ZNF512: variants seen among roughly 807,000 people sequenced by gnomAD.
ZNF512 encodes the protein zinc finger protein 512.
In ZNF512, 25 loss-of-function variants were observed where a neutral mutation model predicts 77.5. The observed-to-expected ratio is 0.32, with a 90% CI of 0.23 to 0.45. The LOEUF is 0.45. Ranked by LOEUF, ZNF512 falls within the 20% of genes least tolerant of loss-of-function variation. The pLI is 1.00. For missense variants in ZNF512, 483 were observed against 692.6 expected (o/e 0.70, Z 3.40); for synonymous variants, 246 against 239.9 (o/e 1.03, Z -0.24).
chr2:27,610,365 A>G (rs940631526), intron 10 of ZNF512, among the ~76,000 whole-genome samples: 1 of 130,264 alleles, frequency 7.7e-6, no homozygotes, highest in African/African-American at 2.6e-5. Flanking sequence ...CTCCGTATCA[A>G]AAAAAAAAAA....
Position 27,603,269 on chromosome 2 carries a change from G to T in ZNF512, c.898G>T (p.Ala300Ser). The change falls in exon 9 of 14, where the codon GCT becomes TCT. Residue 300 changes from alanine (A) to serine (S), a missense_variant. This residue lies in a region of ZNF512 where 324 missense variants were observed against 525.0 expected (regional missense o/e 0.62). Transcript: ENST00000355467. ...CTGTGGAAAACCATATAGGTCGAAG[G>T]CTGGACTTGCATATCACCTGAGGTC... ...HHCGKPYRSK[A>S]GLAYHLRSEH... 1 of 1,613,974 alleles carries T rather than the reference G, an allele frequency of 6.2e-7. No homozygotes were observed. The highest frequency in any genetic ancestry group is 1.1e-5 in the South Asian group (1 of 91,068).
intron 2 of ZNF512, among the ~76,000 whole-genome samples, chr2:27,592,732 T>G (rs1281996844): frequency 1.4e-5 from 2 of 138,696 alleles, no homozygotes; most frequent in African/African-American, 5.4e-5. Context: ...TTGCCCAGGC[T>G]GGAGTGCAAA....
intron 10 of ZNF512, among the ~76,000 whole-genome samples, chr2:27,610,544 G>GTGTATA (rs1413007886): frequency 0.021 from 671 of 32,636 alleles, 48 homozygotes; most frequent in African/African-American, 0.048. Context: ...ATATGTGTGT[G>GTGTATA]TATATATATA....
chr2:27,587,024 C>T (rs980731102), intron 2 of ZNF512, among the ~76,000 whole-genome samples: 9 of 152,086 alleles, frequency 5.9e-5, no homozygotes, highest in Non-Finnish European at 4.4e-5. Context: ...CTGCTGTGAA[C>T]GTTCATGTAC....
Position 27,590,635 on chromosome 2 carries a change from T to G in ZNF512, c.89+6919T>G, listed in dbSNP as rs370269626. 1.6e-4 allele frequency among the ~76,000 whole-genome samples: 24 copies of G among 152,294 alleles called. 1 individual carries two copies. In the East Asian group the frequency reaches 4.4e-3, roughly 28 times the overall value. ...TTGTTTTTTGTTCCTGTGTTTCTTC[T>G]TTTGGATTATTTGAATGCTTAGTGT... On this transcript the variant is annotated intron_variant, in intron 2 of 13. Coordinates refer to ENST00000355467, the MANE Select transcript of ZNF512 (RefSeq NM_032434.4).
At chr2:27,619,235 C>A (rs1478988415) in intron 13 of ZNF512, among the ~76,000 whole-genome samples, 2 of 152,116 alleles carry the variant, frequency 1.3e-5, no homozygotes, top group Non-Finnish European at 2.9e-5. Context: ...CATGGTGAAA[C>A]CCCATCTCTA....
intron 2 of ZNF512, among the ~76,000 whole-genome samples, chr2:27,586,381 C>T (rs757185076): frequency 2.0e-5 from 3 of 152,126 alleles, no homozygotes; most frequent in African/African-American, 4.8e-5. Context: ...AGGTGCACAC[C>T]GCTGTGCCCT....
chr2:27,614,675 C>G (rs1450080981), intron 10 of ZNF512, among the ~76,000 whole-genome samples: 1 of 127,750 alleles, frequency 7.8e-6, no homozygotes, highest in East Asian at 2.6e-4. Context: ...AAGACTCCAT[C>G]TCAAAAAAAA....
chr2:27,617,905 C>CAA (rs61523057), intron 13 of ZNF512, among the ~76,000 whole-genome samples: 4,402 of 113,612 alleles, frequency 0.039, 259 homozygotes, highest in African/African-American at 0.13. Context: ...GATCCTGACT[C>CAA]AAAAAAAAAA....
chr2:27,604,114 A>G (rs1193432792), intron 9 of ZNF512, among the ~76,000 whole-genome samples: 6 of 151,006 alleles, frequency 4.0e-5, no homozygotes, highest in African/African-American at 1.5e-4. Flanking sequence ...TTTATTAGAG[A>G]CGGGGTTTCA....
chr2:27,620,409 A>G (rs1192779895), intron 13 of ZNF512, among the ~76,000 whole-genome samples: 1 of 152,214 alleles, frequency 6.6e-6, no homozygotes. Context: ...TGTCACATAC[A>G]TGTACCCACA....
intron 13 of ZNF512, among the ~76,000 whole-genome samples, chr2:27,618,302 C>T (rs1393671827): frequency 6.6e-6 from 1 of 152,210 alleles, no homozygotes; most frequent in African/African-American, 2.4e-5. Flanking sequence ...ATTCTTATTT[C>T]ACAGTGATCT....
At chr2:27,619,322 G>C (rs1051454259) in intron 13 of ZNF512, among the ~76,000 whole-genome samples, 1 of 151,982 alleles carries the variant, frequency 6.6e-6, no homozygotes, top group Non-Finnish European at 1.5e-5. Flanking sequence ...AGATTTGCTT[G>C]AACCCAGGAG....
intron 11 of ZNF512, 32 bp from the exon 12 acceptor site, chr2:27,616,230 A>C (rs535229128): frequency 1.9e-4 from 299 of 1,574,062 alleles, no homozygotes; most frequent in Non-Finnish European, 2.2e-4. Flanking sequence ...GCTATTTGGC[A>C]TAGTCTTCAT....
chr2:27,595,303 C>CTT (rs1296299471), intron 2 of ZNF512, among the ~76,000 whole-genome samples: 32 of 134,080 alleles, frequency 2.4e-4, no homozygotes, highest in African/African-American at 5.8e-4. Flanking sequence ...CTTTTCTTTT[C>CTT]TTTTTTTTTT....
At position 27,599,965 on chromosome 2, in the gene ZNF512, G is replaced by A. The variant is rs1672041566; in HGVS notation, c.374-5G>A. The A allele has an allele frequency of 6.2e-7, 1 of 1,614,086 alleles. No homozygotes were observed. The highest frequency in any genetic ancestry group is 1.3e-5 in the African/African-American group (1 of 74,942). The stretch of plus-strand genomic sequence containing the variant: ...GCTGGGCTTCAAGTTTCTGTCTTAT[G>A]TCAGGGAGGAAGCAACGGCCTAAAA... On this transcript the variant is annotated splice_polypyrimidine_tract_variant and splice_region_variant and intron_variant, in intron 4 of 13. Coordinates refer to ENST00000355467, the MANE Select transcript of ZNF512 (RefSeq NM_032434.4).
intron 11 of ZNF512, among the ~76,000 whole-genome samples, chr2:27,615,847 A>T (rs893788648): frequency 2.0e-5 from 3 of 152,230 alleles, no homozygotes; most frequent in South Asian, 2.1e-4. Flanking sequence ...TTTATTTTCT[A>T]GAGTCAAGAT....
intron 2 of ZNF512, among the ~76,000 whole-genome samples, chr2:27,584,326 A>T (rs1461955149): frequency 2.0e-5 from 3 of 152,372 alleles, no homozygotes; most frequent in East Asian, 3.9e-4. Flanking sequence ...AAATCCTTGT[A>T]TTTTTAAACT....
chr2:27,600,851 T>A, intron 6 of ZNF512, 36 bp downstream of exon 6: 1 of 1,597,332 alleles, frequency 6.3e-7, no homozygotes, highest in Non-Finnish European at 8.5e-7. Context: ...TGTTACGATA[T>A]TTTTACCCAA....
Sources: gnomAD v4.1 joint callset for allele counts (sites outside exome capture counted in the v4.1 genomes callset) on GRCh38, gnomAD v4.1.1 for gene constraint, gnomAD v4.1.1 regional missense constraint, MANE v1.5 for transcripts, NCBI Gene and HGNC (gene_info 2026-07-23, HGNC 2026-07-21) for gene names.